CENPU: variants seen among roughly 807,000 people sequenced by gnomAD.
The protein encoded by CENPU is centromere protein U.
A neutral mutation model predicts 56.7 loss-of-function variants in CENPU; 46 were observed. The observed-to-expected ratio is 0.81, with a 90% CI of 0.64 to 1.04. CENPU has a LOEUF of 1.04. Among genes scored for constraint, CENPU ranks in the 50% least tolerant of loss-of-function variants. The pLI is 0.00. For synonymous variants in CENPU, 166 were observed against 163.0 expected (o/e 1.02, Z -0.14); for missense variants, 510 against 490.1 (o/e 1.04, Z -0.38).
rs767760123 is a variant in CENPU at position 184,729,055 on chromosome 4, A to G, written c.97-20T>C. ...AGCTTTCTAAAAGTGAATAAAGTTG[A>G]GTCATTGAGTTGGCTCTCACAAAGA... On this transcript the variant is annotated intron_variant, in intron 2 of 12. Coordinates refer to ENST00000281453, the MANE Select transcript of CENPU (RefSeq NM_024629.4). The G allele has an allele frequency of 6.4e-7, 1 of 1,565,958 alleles. No homozygotes were observed.
At chr4:184,731,148 C>T (rs181248258) in intron 1 of CENPU, among the ~76,000 whole-genome samples, 180 bp from the exon 2 acceptor site, 1 of 152,062 alleles carries the variant, frequency 6.6e-6, no homozygotes, top group Non-Finnish European at 1.5e-5. Context: ...TACCTCTCCC[C>T]CTCAGGGACA....
intron 1 of CENPU, among the ~76,000 whole-genome samples, chr4:184,731,796 T>C (rs1215589196): frequency 6.6e-6 from 1 of 152,100 alleles, no homozygotes; most frequent in South Asian, 2.1e-4. Context: ...AATGTTTTAG[T>C]ATCCTTTTAT....
chr4:184,709,601 A>C (rs1403909216), intron 8 of CENPU, among the ~76,000 whole-genome samples: 1 of 152,202 alleles, frequency 6.6e-6, no homozygotes, highest in African/African-American at 2.4e-5. Flanking sequence ...TGACCAACTA[A>C]AATGTTCAAT....
rs376470432 is a variant in CENPU, at chr4:184,717,682, A to G, written c.321-486T>C. On this transcript the variant is annotated intron_variant, in intron 4 of 12. Transcript: ENST00000281453. Reference sequence around the variant, plus strand: ...TCAAAATGCAAAGCACAGTGAATAAAATTACTTTAAAATTGAGAGGCTTTC... The same window carrying G: ...TCAAAATGCAAAGCACAGTGAATAAGATTACTTTAAAATTGAGAGGCTTTC... Among the ~76,000 whole-genome samples the G allele has an allele frequency of 1.5e-3, 222 of 152,292 alleles. 4 individuals are homozygous for G. The South Asian group carries it at 0.044, about 30-fold the overall frequency.
Position 184,733,424 on chromosome 4 carries a change from T to G in CENPU, c.47+592A>C, listed in dbSNP as rs866826974. The G allele has an allele frequency of 2.6e-5, 26 of 992,994 alleles. No homozygotes were observed. The Middle Eastern group carries it at 2.6e-3, about 98-fold the overall frequency. The allele number at this position is 992,994 out of a possible 1,614,324, so 61.5% of individuals were successfully genotyped here. On this transcript the variant is annotated intron_variant, in intron 1 of 12. Transcript: ENST00000281453. ...TTCCCGCCAGATCCAGGCCGGGCCT[T>G]GGATGGCCATTCGCCAACGAATCAG...
intron 8 of CENPU, among the ~76,000 whole-genome samples, chr4:184,707,604 T>C (rs1173164282): frequency 6.6e-6 from 1 of 152,098 alleles, no homozygotes; most frequent in African/African-American, 2.4e-5. Context: ...ACAGGCTGTT[T>C]TGTGAGATGA....
chr4:184,713,032 T>C lies in CENPU; in HGVS notation c.619-19A>G. 1 of 1,423,754 alleles carries C rather than the reference T, an allele frequency of 7.0e-7. No homozygotes were observed. The highest frequency in any genetic ancestry group is 9.7e-7 in the Non-Finnish European group (1 of 1,035,898). 88.2% of individuals were successfully genotyped at this position (1,423,754 alleles called of 1,614,324 possible). A position where few individuals can be genotyped will look rare whatever the true frequency, so the allele number is the denominator to read the frequency against. The stretch of plus-strand genomic sequence containing the variant: ...GAGTTTTCTACAAAAAAAAAAAGCA[T>C]TAAGTTTTTAAGAAAAGTTTTCTTT... On this transcript the variant is annotated intron_variant, in intron 6 of 12. Transcript: ENST00000281453.
rs1037459766 is a variant in CENPU, at chr4:184,702,071, A to G, written c.924+18T>C. On this transcript the variant is annotated intron_variant, in intron 10 of 12. Transcript: ENST00000281453. ...TATTGTGTTTGACTCTATGACTCTA[A>G]TCACATAAATAATTTACCTTAGCAT... 1 of 1,555,924 alleles carries G rather than the reference A, an allele frequency of 6.4e-7. No homozygotes were observed. Among genetic ancestry groups the G allele is most frequent in the South Asian group, 1.1e-5 (1 of 89,432 alleles).
At chr4:184,711,550 C>T (rs751256253) in intron 7 of CENPU, among the ~76,000 whole-genome samples, 2 of 152,150 alleles carry the variant, frequency 1.3e-5, no homozygotes, top group Non-Finnish European at 2.9e-5. Flanking sequence ...CAGCCTCCCC[C>T]TCTCCCCTGC....
At chr4:184,731,590 A>G (rs529830682) in intron 1 of CENPU, among the ~76,000 whole-genome samples, 1 of 152,348 alleles carries the variant, frequency 6.6e-6, no homozygotes, top group East Asian at 1.9e-4. Context: ...GCAGGATTAT[A>G]TATCATTATT....
chr4:184,733,865 TGAG>T (rs1761744909), intron 1 of CENPU, 148 bp downstream of exon 1: 2 of 1,028,164 alleles, frequency 1.9e-6, no homozygotes, highest in South Asian at 2.7e-5. Flanking sequence ...CCCACTAGAC[TGAG>T]GAGGAAGCCG....
chr4:184,722,705 CAAAACAAAACAAA>C (rs1761322326), intron 4 of CENPU, among the ~76,000 whole-genome samples: 1 of 141,250 alleles, frequency 7.1e-6, no homozygotes, highest in African/African-American at 2.7e-5. Flanking sequence ...CAAAACAAAA[CAAAACAAAACAAA>C]AAAAAACTGT....
rs1389208942 is a variant in CENPU at position 184,695,297 on chromosome 4, G to A, written c.1248C>T (p.Asp416=). ...TAGTAGACTGCTCTTCTCATCCCTG[G>A]TCAAGGAGCTTCTCTAACTGATGGT... ...NINHQLEKLL[D]QG The change falls in exon 13 of 13, where the codon GAC becomes GAT. Residue 416 remains aspartate (D), a synonymous_variant. Coordinates refer to ENST00000281453, the MANE Select transcript of CENPU (RefSeq NM_024629.4). 2 of 1,611,616 alleles carry A rather than the reference G, an allele frequency of 1.2e-6. No individual in the cohort carries two copies. The highest frequency in any genetic ancestry group is 1.7e-6 in the Non-Finnish European group (2 of 1,177,884).
intron 4 of CENPU, among the ~76,000 whole-genome samples, chr4:184,724,057 G>A (rs1761373641): frequency 6.6e-6 from 1 of 151,894 alleles, no homozygotes; most frequent in African/African-American, 2.4e-5. Context: ...GAGATCAGGA[G>A]ATCGAGACCA....
chr4:184,731,335 T>G (rs1761638523), intron 1 of CENPU, among the ~76,000 whole-genome samples: 1 of 152,184 alleles, frequency 6.6e-6, no homozygotes, highest in African/African-American at 2.4e-5. Context: ...CTAACAGTCC[T>G]ATAAGGTAGA....
At chr4:184,696,446 G>GTAT (rs1760316357) in intron 12 of CENPU, among the ~76,000 whole-genome samples, 1 of 152,100 alleles carries the variant, frequency 6.6e-6, no homozygotes, top group South Asian at 2.1e-4. Context: ...TTTAACCAAA[G>GTAT]TATTATGTTC....
At chr4:184,716,669 A>C (rs201049448) in intron 5 of CENPU, 36 bp from the exon 6 acceptor site, 9 of 1,456,462 alleles carry the variant, frequency 6.2e-6, no homozygotes, top group Admixed American at 1.8e-5. Context: ...CTTATGTAGA[A>C]AATAGAAATG....
chr4:184,706,085 G>A (rs1579765320), intron 8 of CENPU, among the ~76,000 whole-genome samples: 1 of 152,042 alleles, frequency 6.6e-6, no homozygotes, highest in Non-Finnish European at 1.5e-5. Flanking sequence ...TCTTAAAAAC[G>A]CATAATGGCA....
chr4:184,703,601 A>T (rs535022923), intron 8 of CENPU, among the ~76,000 whole-genome samples: 1 of 152,372 alleles, frequency 6.6e-6, no homozygotes, highest in South Asian at 2.1e-4. Context: ...TTCCAAAAAA[A>T]TAAATAAATT....
Sources: gnomAD v4.1 joint callset for allele counts (sites outside exome capture counted in the v4.1 genomes callset) on GRCh38, gnomAD v4.1.1 for gene constraint, MANE v1.5 for transcripts, NCBI Gene and HGNC (gene_info 2026-07-23, HGNC 2026-07-21) for gene names.